The following KDM4C variants were observed in gnomAD, a reference collection of about 807,000 sequenced individuals.
KDM4C encodes the protein lysine demethylase 4C.
Under a neutral mutation model 129.3 loss-of-function variants are expected in KDM4C, and 81 were observed. That is an observed-to-expected ratio of 0.63 (90% CI 0.52 to 0.75). KDM4C has a LOEUF of 0.75. Among genes scored for constraint, KDM4C ranks in the 30% least tolerant of loss-of-function variants. The pLI is 0.00. For synonymous variants in KDM4C, 573 were observed against 456.1 expected (o/e 1.26, Z -3.26); for missense variants, 1,457 against 1,304.0 (o/e 1.12, Z -1.81).
chr9:7,155,672 T>A (rs1239061133), intron 19 of KDM4C, among the ~76,000 whole-genome samples: 1 of 152,194 alleles, frequency 6.6e-6, no homozygotes, highest in African/African-American at 2.4e-5. Context: ...CCATGTCCCT[T>A]CAAAGGACAT....
chr9:6,929,471 C>CT (rs59537472), intron 8 of KDM4C, among the ~76,000 whole-genome samples: 7,887 of 127,310 alleles, frequency 0.062, 292 homozygotes, highest in East Asian at 0.15. Flanking sequence ...TTGACTTTTT[C>CT]TTTTTTTTTT....
chr9:7,050,408 C>T (rs1829981293), intron 17 of KDM4C, among the ~76,000 whole-genome samples: 1 of 108,658 alleles, frequency 9.2e-6, no homozygotes, highest in South Asian at 3.3e-4. Flanking sequence ...CCTGGACTTC[C>T]ATAGGAAAGC....
At chr9:6,819,809 G>T (rs1408187687) in intron 4 of KDM4C, among the ~76,000 whole-genome samples, 2 of 152,156 alleles carry the variant, frequency 1.3e-5, no homozygotes, top group African/African-American at 4.8e-5. Flanking sequence ...AAAGCCCATG[G>T]ATTGTTTTGC....
intron 19 of KDM4C, among the ~76,000 whole-genome samples, chr9:7,157,860 C>G (rs1843354783): frequency 1.3e-5 from 2 of 152,168 alleles, no homozygotes; most frequent in African/African-American, 4.8e-5. Flanking sequence ...CAGGATGATG[C>G]TGGCCTCATA....
At chr9:6,929,347 C>A (rs1823222563) in intron 8 of KDM4C, among the ~76,000 whole-genome samples, 2 of 152,166 alleles carry the variant, frequency 1.3e-5, no homozygotes, top group African/African-American at 4.8e-5. Flanking sequence ...ACTCAACTAT[C>A]CTGGGTGTCA....
At chr9:7,079,456 A>G (rs1045713914) in intron 17 of KDM4C, among the ~76,000 whole-genome samples, 1 of 152,066 alleles carries the variant, frequency 6.6e-6, no homozygotes, top group African/African-American at 2.4e-5. Context: ...CCAAGTAGCT[A>G]GTACTACAGG....
chr9:7,102,292 G>T (rs1293921033), intron 17 of KDM4C, among the ~76,000 whole-genome samples: 2 of 143,242 alleles, frequency 1.4e-5, no homozygotes, highest in Non-Finnish European at 3.0e-5. Context: ...CTTGGCTCTT[G>T]CACCTCATGG....
chr9:6,795,546 G>T (rs1240583781), intron 2 of KDM4C, among the ~76,000 whole-genome samples: 4 of 152,084 alleles, frequency 2.6e-5, no homozygotes, highest in East Asian at 1.9e-4. Context: ...TGGCTAGGCT[G>T]GTCTCAAACT....
chr9:6,875,438 G>C (rs1213860146), intron 5 of KDM4C, among the ~76,000 whole-genome samples: 1 of 152,182 alleles, frequency 6.6e-6, no homozygotes, highest in Non-Finnish European at 1.5e-5. Flanking sequence ...GTGTTTTGTT[G>C]TATCTTATTC....
chr9:7,053,420 C>G (rs1830478215), intron 17 of KDM4C, among the ~76,000 whole-genome samples: 1 of 152,026 alleles, frequency 6.6e-6, no homozygotes, highest in Admixed American at 6.5e-5. Flanking sequence ...AAAATGACAA[C>G]TAATGGAAAA....
intron 1 of KDM4C, among the ~76,000 whole-genome samples, chr9:6,768,242 C>G (rs1489197283): frequency 6.6e-6 from 1 of 151,938 alleles, no homozygotes; most frequent in Non-Finnish European, 1.5e-5. Flanking sequence ...AGGGCTCTTT[C>G]TAGAAAATCT....
chr9:6,870,366 T>C (rs953387914), intron 5 of KDM4C, among the ~76,000 whole-genome samples: 1 of 152,066 alleles, frequency 6.6e-6, no homozygotes, highest in Admixed American at 6.5e-5. Context: ...AAAATGGGTT[T>C]GGAGAGTAGA....
chr9:6,807,934 G>C (rs1830388188), intron 3 of KDM4C, among the ~76,000 whole-genome samples: 3 of 130,014 alleles, frequency 2.3e-5, no homozygotes, highest in African/African-American at 8.7e-5. Context: ...CCCTCCGGGA[G>C]GGAGGTGGGG....
chr9:6,868,413 C>T (rs548777673), intron 5 of KDM4C, among the ~76,000 whole-genome samples: 2 of 152,208 alleles, frequency 1.3e-5, no homozygotes, highest in Admixed American at 6.5e-5. Flanking sequence ...GTTTGAAAAT[C>T]GGTTAACTGG....
At chr9:7,083,561 A>G (rs1834777429) in intron 17 of KDM4C, among the ~76,000 whole-genome samples, 1 of 152,164 alleles carries the variant, frequency 6.6e-6, no homozygotes, top group Non-Finnish European at 1.5e-5. Flanking sequence ...TATTGTACTG[A>G]GTATGGTAGG....
At chr9:6,880,817 C>A (rs749487614) in intron 6 of KDM4C, among the ~76,000 whole-genome samples, 25 of 152,142 alleles carry the variant, frequency 1.6e-4, no homozygotes, top group Non-Finnish European at 2.4e-4. Context: ...ATAAGCCAGG[C>A]GGCCTTGCCC....
chr9:7,090,192 G>A (rs1194048679), intron 17 of KDM4C, among the ~76,000 whole-genome samples: 1 of 152,182 alleles, frequency 6.6e-6, no homozygotes, highest in African/African-American at 2.4e-5. Context: ...CTTCCTGTTG[G>A]AACTTGACAA....
At chr9:6,732,874 G>A (rs531637157) in intron 1 of KDM4C, among the ~76,000 whole-genome samples, 6 of 152,314 alleles carry the variant, frequency 3.9e-5, no homozygotes, top group African/African-American at 1.2e-4. Flanking sequence ...TTAGCTGGAC[G>A]TGGTGGCACA....
intron 1 of KDM4C, among the ~76,000 whole-genome samples, chr9:6,747,139 G>A (rs976286737): frequency 6.6e-6 from 1 of 151,786 alleles, no homozygotes; most frequent in African/African-American, 2.4e-5. Flanking sequence ...GCTGCCATGA[G>A]CCAAGATCAC....
Sources: allele counts gnomAD v4.1 joint callset (sites outside exome capture counted in the v4.1 genomes callset), GRCh38; gene constraint gnomAD v4.1.1; transcripts MANE v1.5; gene names NCBI Gene and HGNC (gene_info 2026-07-23, HGNC 2026-07-21).